The following SPAG16 variants were observed in gnomAD, a reference collection of about 807,000 sequenced individuals.
SPAG16 encodes sperm associated antigen 16, also known as sperm-associated antigen 16 protein.
A neutral mutation model predicts 80.4 loss-of-function variants in SPAG16; 86 were observed. The observed-to-expected ratio is 1.07, with a 90% CI of 0.90 to 1.28. The LOEUF is 1.28. SPAG16 is among the 50% of genes most tolerant of loss of function. The pLI is 0.00. For missense variants in SPAG16, 870 were observed against 765.3 expected (o/e 1.14, Z -1.61); for synonymous variants, 294 against 265.9 (o/e 1.11, Z -1.03).
chr2:213,331,493 C>G (rs1575225258), intron 5 of SPAG16, among the ~76,000 whole-genome samples: 1 of 152,210 alleles, frequency 6.6e-6, no homozygotes, highest in Non-Finnish European at 1.5e-5. Context: ...ACAGTAATAG[C>G]TGGAGTCTTC....
intron 15 of SPAG16, among the ~76,000 whole-genome samples, chr2:214,380,545 C>CTTG (rs1700390495): frequency 6.6e-6 from 1 of 152,048 alleles, no homozygotes; most frequent in Non-Finnish European, 1.5e-5. Context: ...ATTTAAAGAC[C>CTTG]TTGTTAGAGT....
chr2:214,314,832 A>G (rs975902820), intron 15 of SPAG16, among the ~76,000 whole-genome samples: 4 of 152,210 alleles, frequency 2.6e-5, no homozygotes, highest in Non-Finnish European at 4.4e-5. Flanking sequence ...AAGCTGTTTT[A>G]AAAACACTAC....
chr2:214,128,357 A>C (rs1459048360), intron 14 of SPAG16, among the ~76,000 whole-genome samples: 1 of 151,822 alleles, frequency 6.6e-6, no homozygotes, highest in Non-Finnish European at 1.5e-5. Flanking sequence ...GTTAAATCTT[A>C]TATTTCTCAG....
intron 1 of SPAG16, among the ~76,000 whole-genome samples, chr2:213,294,215 G>T (rs545650104): frequency 3.3e-5 from 5 of 152,178 alleles, no homozygotes; most frequent in Admixed American, 1.3e-4. Flanking sequence ...CACTTAGCAT[G>T]ACCTTCAGGT....
intron 10 of SPAG16, among the ~76,000 whole-genome samples, chr2:213,753,685 A>G (rs2068187978): frequency 6.6e-6 from 1 of 152,186 alleles, no homozygotes; most frequent in African/African-American, 2.4e-5. Context: ...GAGTAATAGT[A>G]GTATAGTCAA....
intron 10 of SPAG16, among the ~76,000 whole-genome samples, chr2:213,829,736 G>A (rs867790055): frequency 7.9e-5 from 12 of 152,200 alleles, no homozygotes; most frequent in Non-Finnish European, 1.2e-4. Context: ...TTCAAGGACC[G>A]GGTCCTTCCC....
At chr2:213,932,074 G>A (rs2078770596) in intron 12 of SPAG16, among the ~76,000 whole-genome samples, 1 of 149,620 alleles carries the variant, frequency 6.7e-6, no homozygotes, top group South Asian at 2.1e-4. Flanking sequence ...TAAGGCAAGA[G>A]ATTATTTGCC....
At chr2:213,363,203 A>G (rs551530939) in intron 7 of SPAG16, among the ~76,000 whole-genome samples, 4 of 152,312 alleles carry the variant, frequency 2.6e-5, no homozygotes, top group Admixed American at 1.3e-4. Context: ...GGTATGGGAT[A>G]AAACAGGAAT....
intron 10 of SPAG16, among the ~76,000 whole-genome samples, chr2:213,785,093 T>C (rs2070253037): frequency 6.6e-6 from 1 of 152,174 alleles, no homozygotes; most frequent in Non-Finnish European, 1.5e-5. Context: ...TATGGACGTA[T>C]ATAATGTAAA....
At position 213,438,730 on chromosome 2, in the gene SPAG16, A is replaced by AT. The variant is rs1190130542; in HGVS notation, c.943-51228dup. On this transcript the variant is annotated intron_variant, in intron 9 of 15. Coordinates refer to ENST00000331683, the MANE Select transcript of SPAG16 (RefSeq NM_024532.5). ...TATGTTACTTTATATGTAAAAGGGG[A>AT]TTTTTACAGATGTAATTAGTACCCC... Among the ~76,000 whole-genome samples the AT allele has an allele frequency of 5.3e-5, 8 of 152,290 alleles. No homozygotes were observed. In the East Asian group the frequency reaches 1.5e-3, roughly 29 times the overall value.
chr2:213,655,024 A>G (rs970187052), intron 10 of SPAG16, among the ~76,000 whole-genome samples: 1 of 152,224 alleles, frequency 6.6e-6, no homozygotes, highest in African/African-American at 2.4e-5. Flanking sequence ...TAGTGAAACT[A>G]CTCCATATGA....
chr2:213,965,402 T>TATCACACTCAGCTATTAG (rs376876597), intron 12 of SPAG16, among the ~76,000 whole-genome samples: 2,691 of 152,288 alleles, frequency 0.018, 82 homozygotes, highest in African/African-American at 0.062. Flanking sequence ...TCTCTCTTGC[T>TATCACACTCAGCTATTAG]ATCACACTCA....
rs184746817 is a variant in SPAG16, at chr2:213,770,973, A to G, written c.1071-91512A>G. On this transcript the variant is annotated intron_variant, in intron 10 of 15. Coordinates refer to ENST00000331683, the MANE Select transcript of SPAG16 (RefSeq NM_024532.5). Reference sequence around the variant, plus strand: ...GAATGATTTATATTCCTTTGGGTATATACTCTGTAATGGGATTGCTGGGTC... The same window carrying G: ...GAATGATTTATATTCCTTTGGGTATGTACTCTGTAATGGGATTGCTGGGTC... Among the ~76,000 whole-genome samples, 57 of 152,284 alleles carry G rather than the reference A, an allele frequency of 3.7e-4. 1 individual carries two copies. The East Asian group carries it at 5.0e-3, about 13-fold the overall frequency.
intron 10 of SPAG16, among the ~76,000 whole-genome samples, chr2:213,591,142 T>C (rs931318947): frequency 1.9e-4 from 29 of 152,252 alleles, no homozygotes; most frequent in Non-Finnish European, 2.9e-5. Context: ...TCTATATTCT[T>C]GCCATCTTTA....
At chr2:214,317,165 G>A (rs9677504) in intron 15 of SPAG16, among the ~76,000 whole-genome samples, 16,776 of 152,096 alleles carry the variant, frequency 0.11, 953 homozygotes, top group East Asian at 0.18. Flanking sequence ...ATCAACTCCT[G>A]ATTTCACAGT....
chr2:213,326,166 A>T (rs937885379), intron 5 of SPAG16, among the ~76,000 whole-genome samples: 6 of 152,048 alleles, frequency 3.9e-5, no homozygotes, highest in Non-Finnish European at 5.9e-5. Context: ...TAACAGGAAG[A>T]TGAAAAACTG....
At chr2:214,112,580 C>G (rs1310280326) in intron 14 of SPAG16, among the ~76,000 whole-genome samples, 6 of 147,260 alleles carry the variant, frequency 4.1e-5, no homozygotes, top group Admixed American at 6.8e-5. Context: ...TTCTTTGTCT[C>G]TTTTGATCTT....
chr2:213,701,465 G>A (rs1248806425), intron 10 of SPAG16, among the ~76,000 whole-genome samples: 1 of 152,164 alleles, frequency 6.6e-6, no homozygotes, highest in Non-Finnish European at 1.5e-5. Flanking sequence ...CACGCTTGAG[G>A]AGTCCTTCAG....
intron 10 of SPAG16, among the ~76,000 whole-genome samples, chr2:213,759,363 ATAT>A (rs1312451482): frequency 6.6e-6 from 1 of 152,086 alleles, no homozygotes; most frequent in East Asian, 1.9e-4. Flanking sequence ...ATAAAAGTTC[ATAT>A]TATGCTTTGT....
Sources: gnomAD v4.1 joint callset for allele counts (sites outside exome capture counted in the v4.1 genomes callset) on GRCh38, gnomAD v4.1.1 for gene constraint, MANE v1.5 for transcripts, NCBI Gene and HGNC (gene_info 2026-07-23, HGNC 2026-07-21) for gene names.